The following PLCB1 variants were observed in gnomAD, a reference collection of about 807,000 sequenced individuals.
The protein encoded by PLCB1 is 1-phosphatidylinositol 4,5-bisphosphate phosphodiesterase beta-1.
Under a neutral mutation model 161.8 loss-of-function variants are expected in PLCB1, and 46 were observed. The ratio of observed to expected loss-of-function variants is 0.28; its 90% CI spans 0.22 to 0.36. PLCB1 has a LOEUF of 0.36. Ranked by LOEUF, PLCB1 falls within the 10% of genes least tolerant of loss-of-function variation. The pLI, the probability that PLCB1 is intolerant of heterozygous loss-of-function variation, is 1.00. For missense variants in PLCB1, 1,016 were observed against 1,472.5 expected (o/e 0.69, Z 5.07); for synonymous variants, 517 against 503.7 (o/e 1.03, Z -0.35).
At chr20:8,249,887 C>T (rs988905813) in intron 2 of PLCB1, 1 of 151,912 alleles carries the variant, frequency 6.6e-6, no homozygotes, top group Non-Finnish European at 1.5e-5. Context: ...TGTGCCCTCC[C>T]CTAATTATTC....
chr20:8,735,108 G>A (rs1445021396), intron 19 of PLCB1, among the ~76,000 whole-genome samples: 1 of 152,180 alleles, frequency 6.6e-6, no homozygotes, highest in East Asian at 1.9e-4. Flanking sequence ...TGTCAGGTGT[G>A]ATAAAGATAA....
intron 27 of PLCB1, among the ~76,000 whole-genome samples, chr20:8,778,744 C>T (rs576498466): frequency 5.2e-4 from 79 of 152,358 alleles, no homozygotes; most frequent in African/African-American, 1.9e-3. Flanking sequence ...GCCTGTTACA[C>T]ACACCTATCC....
chr20:8,570,590 AGTT>A (rs1986473598), intron 3 of PLCB1, among the ~76,000 whole-genome samples: 7 of 104,404 alleles, frequency 6.7e-5, no homozygotes, highest in Non-Finnish European at 1.1e-4. Context: ...TAAATAAGAC[AGTT>A]AAGGTCCCTG....
At chr20:8,309,591 G>A (rs1165806036) in intron 2 of PLCB1, among the ~76,000 whole-genome samples, 1 of 152,170 alleles carries the variant, frequency 6.6e-6, no homozygotes, top group African/African-American at 2.4e-5. Context: ...TGATGACCTA[G>A]TCCATTGAAG....
At chr20:8,846,729 G>A (rs1002265881) in intron 31 of PLCB1, among the ~76,000 whole-genome samples, 1 of 152,158 alleles carries the variant, frequency 6.6e-6, no homozygotes, top group South Asian at 2.1e-4. Context: ...CATGTACAAA[G>A]TGTGAAGTTT....
At chr20:8,608,891 G>A (rs1987828877) in intron 3 of PLCB1, among the ~76,000 whole-genome samples, 1 of 152,082 alleles carries the variant, frequency 6.6e-6, no homozygotes, top group Admixed American at 6.6e-5. Flanking sequence ...ATCATCAATT[G>A]CACAACAGTG....
At position 8,431,567 on chromosome 20, in the gene PLCB1, G is replaced by A. The variant is rs557332104; in HGVS notation, c.246+60117G>A. Among the ~76,000 whole-genome samples, 60 of 152,220 alleles carry A rather than the reference G, an allele frequency of 3.9e-4. 2 individuals carry two copies. The South Asian group carries it at 8.1e-3, about 21-fold the overall frequency. On this transcript the variant is annotated intron_variant, in intron 3 of 31. Coordinates refer to ENST00000338037, the MANE Select transcript of PLCB1 (RefSeq NM_015192.4). ...CTCTAAATTTGTGACTGGATGTTTG[G>A]TTTTCAGAGGTTTCAGGATTTCAGA...
At chr20:8,707,849 A>G (rs1225460553) in intron 11 of PLCB1, among the ~76,000 whole-genome samples, 1 of 152,222 alleles carries the variant, frequency 6.6e-6, no homozygotes, top group Non-Finnish European at 1.5e-5. Context: ...CAGATTGAAA[A>G]TTGAAGTACT....
chr20:8,381,298 G>C (rs1987245673), intron 3 of PLCB1, among the ~76,000 whole-genome samples: 1 of 152,186 alleles, frequency 6.6e-6, no homozygotes, highest in African/African-American at 2.4e-5. Context: ...AAGCTGTCTT[G>C]ATCGTAGTGG....
intron 2 of PLCB1, among the ~76,000 whole-genome samples, chr20:8,363,670 C>A (rs916497630): frequency 2.0e-5 from 3 of 152,048 alleles, no homozygotes; most frequent in Non-Finnish European, 4.4e-5. Flanking sequence ...GCTGCAGGTC[C>A]CTCTCACACT....
At chr20:8,243,038 G>A (rs1414573224) in intron 2 of PLCB1, among the ~76,000 whole-genome samples, 2 of 151,936 alleles carry the variant, frequency 1.3e-5, no homozygotes, top group South Asian at 2.1e-4. Flanking sequence ...GCATCGTTAC[G>A]GGCATGCTAT....
chr20:8,614,043 G>A (rs897472995), intron 3 of PLCB1, among the ~76,000 whole-genome samples: 3 of 152,042 alleles, frequency 2.0e-5, no homozygotes, highest in Non-Finnish European at 4.4e-5. Context: ...TACTTGAATA[G>A]GGGGATTATA....
chr20:8,580,530 T>C (rs1250972897), intron 3 of PLCB1, among the ~76,000 whole-genome samples: 2 of 152,190 alleles, frequency 1.3e-5, no homozygotes, highest in African/African-American at 4.8e-5. Context: ...GCTAAATATG[T>C]GGGAAAAATA....
chr20:8,634,255 T>C (rs1988691156), intron 4 of PLCB1, among the ~76,000 whole-genome samples: 1 of 152,240 alleles, frequency 6.6e-6, no homozygotes, highest in Non-Finnish European at 1.5e-5. Context: ...CATTTTGAAG[T>C]AGCTGTCATG....
At chr20:8,376,472 G>A (rs902069695) in intron 3 of PLCB1, among the ~76,000 whole-genome samples, 1 of 152,120 alleles carries the variant, frequency 6.6e-6, no homozygotes, top group Non-Finnish European at 1.5e-5. Flanking sequence ...TTCATTGATT[G>A]ATTGATATTC....
intron 24 of PLCB1, among the ~76,000 whole-genome samples, chr20:8,759,022 G>T (rs1056630305): frequency 6.6e-6 from 1 of 152,104 alleles, no homozygotes; most frequent in African/African-American, 2.4e-5. Flanking sequence ...AGATTCCAAC[G>T]CAGGATCCCA....
chr20:8,145,759 A>G (rs2051446741), intron 1 of PLCB1, among the ~76,000 whole-genome samples: 1 of 152,222 alleles, frequency 6.6e-6, no homozygotes, highest in Non-Finnish European at 1.5e-5. Context: ...TAAATGTTCT[A>G]GTAGCCTCAT....
chr20:8,536,689 T>C (rs1985063908), intron 3 of PLCB1, among the ~76,000 whole-genome samples: 1 of 152,110 alleles, frequency 6.6e-6, no homozygotes, highest in African/African-American at 2.4e-5. Flanking sequence ...GGCCACTTGG[T>C]ACTACAAAAG....
intron 3 of PLCB1, among the ~76,000 whole-genome samples, chr20:8,394,573 C>T (rs992677306): frequency 1.3e-5 from 2 of 152,126 alleles, no homozygotes; most frequent in Non-Finnish European, 2.9e-5. Flanking sequence ...GTCTTGCTTT[C>T]TTCATCCATA....
Sources: gnomAD v4.1 joint callset for allele counts (sites outside exome capture counted in the v4.1 genomes callset) on GRCh38, gnomAD v4.1.1 for gene constraint, MANE v1.5 for transcripts, NCBI Gene and HGNC (gene_info 2026-07-23, HGNC 2026-07-21) for gene names.